The following ZSCAN30 variants were observed in gnomAD, a reference collection of about 807,000 sequenced individuals.
ZSCAN30 encodes zinc finger and SCAN domain-containing protein 30.
Under a neutral mutation model 44.3 loss-of-function variants are expected in ZSCAN30, and 37 were observed. The ratio of observed to expected loss-of-function variants is 0.84; its 90% confidence interval spans 0.64 to 1.10. The LOEUF (loss-of-function observed/expected upper bound fraction) is 1.10. ZSCAN30 is among the 50% of genes least tolerant of loss of function. The pLI is 0.00. For synonymous variants in ZSCAN30, 181 were observed against 204.6 expected (o/e 0.88, Z 0.98); for missense variants, 549 against 582.6 (o/e 0.94, Z 0.59).
chr18:35,284,548 A>G (rs1187212871), intron 1 of ZSCAN30: 1 of 155,044 alleles, frequency 6.4e-6, no homozygotes, highest in Non-Finnish European at 1.5e-5. Flanking sequence ...CACTGCCTCA[A>G]GTATGCGCAC....
In ZSCAN30 at chr18:35,264,471, G is replaced by T; in HGVS notation, c.-103-16C>A. The T allele has an allele frequency of 9.7e-7, 1 of 1,026,044 alleles. No homozygotes were observed. Among genetic ancestry groups the T allele is most frequent in the Non-Finnish European group, 1.4e-6 (1 of 717,912 alleles). 63.6% of individuals were successfully genotyped at this position (1,026,044 alleles called of 1,614,324 possible). On this transcript the variant is annotated splice_polypyrimidine_tract_variant and intron_variant, in intron 1 of 3. Coordinates refer to ENST00000333206, the MANE Select transcript of ZSCAN30 (RefSeq NM_001112734.4). ...CAGGACGCTCCTGAGGGTGGACAAT[G>T]CTCATGTTACACAGGGAAAATAATG...
chr18:35,270,259 T>TCTAC (rs924719271), intron 1 of ZSCAN30: 7 of 151,894 alleles, frequency 4.6e-5, no homozygotes, highest in South Asian at 4.1e-4. Context: ...CTCTGTACTA[T>TCTAC]CTTTGCAATA....
intron 1 of ZSCAN30, among the ~76,000 whole-genome samples, chr18:35,272,218 C>G (rs2044294842): frequency 6.6e-6 from 1 of 152,230 alleles, no homozygotes. Context: ...TTAGTAGAGA[C>G]AAGCTTTCAC....
rs965116498 is a variant in ZSCAN30, at chr18:35,290,085, C to T, written c.-105G>A. 6.6e-6 allele frequency: 1 copy of T among 152,240 alleles called. No homozygotes were observed. Among genetic ancestry groups the T allele is most frequent in the East Asian group, 1.9e-4 (1 of 5,198 alleles). 9.4% of individuals were successfully genotyped at this position (152,240 alleles called of 1,614,324 possible). ...CTTGTATGTAGTAAGAAAACCTACC[C>T]TGCCCCAGAGAGCTTTCCCGAAAGA... On this transcript the variant is annotated splice_region_variant and 5_prime_UTR_variant, in exon 1 of 4. Coordinates refer to ENST00000333206, the MANE Select transcript of ZSCAN30 (RefSeq NM_001112734.4).
At chr18:35,272,155 G>A (rs2044293801) in intron 1 of ZSCAN30, among the ~76,000 whole-genome samples, 1 of 152,142 alleles carries the variant, frequency 6.6e-6, no homozygotes, top group African/African-American at 2.4e-5. Flanking sequence ...AGCGAGCGAG[G>A]GCTGCTAGCC....
At position 35,266,554 on chromosome 18, in the gene ZSCAN30, C is replaced by T. The variant is rs60126050; in HGVS notation, c.-103-2099G>A. On this transcript the variant is annotated intron_variant, in intron 1 of 3. Coordinates refer to ENST00000333206, the MANE Select transcript of ZSCAN30 (RefSeq NM_001112734.4). ...GAGCTATTCATTAAGAAAGTTAGGT[C>T]TGAGATGCCTACGAAGCAGCGTCTC... 3.3e-5 allele frequency: 5 copies of T among 151,754 alleles called. 1 individual carries two copies. The South Asian group carries it at 6.2e-4, about 19-fold the overall frequency. The allele number at this position is 151,754 out of a possible 1,614,324, so 9.4% of individuals were successfully genotyped here.
At chr18:35,265,333 C>T (rs762183659) in intron 1 of ZSCAN30, among the ~76,000 whole-genome samples, 14 of 152,160 alleles carry the variant, frequency 9.2e-5, no homozygotes, top group Admixed American at 2.6e-4. Context: ...AAGCACTTTA[C>T]AAATACTATT....
intron 1 of ZSCAN30, among the ~76,000 whole-genome samples, chr18:35,274,008 T>C (rs1011597328): frequency 3.3e-5 from 5 of 152,182 alleles, no homozygotes; most frequent in South Asian, 2.1e-4. Context: ...GGGAAATAAT[T>C]TGAAGGTACT....
chr18:35,279,154 T>C (rs1938307771), intron 1 of ZSCAN30, among the ~76,000 whole-genome samples: 1 of 152,190 alleles, frequency 6.6e-6, no homozygotes, highest in African/African-American at 2.4e-5. Flanking sequence ...TATTTGTACA[T>C]AGCACCCCAC....
intron 1 of ZSCAN30, among the ~76,000 whole-genome samples, chr18:35,278,077 C>T (rs1243604354): frequency 1.4e-5 from 2 of 140,662 alleles, no homozygotes; most frequent in African/African-American, 5.3e-5. Flanking sequence ...ATGATTTCTT[C>T]TTTGGATCAT....
Position 35,251,515 on chromosome 18 carries a change from T to A in ZSCAN30, c.*1935A>T, listed in dbSNP as rs528307553. On this transcript the variant is annotated 3_prime_UTR_variant, in exon 4 of 4. Coordinates refer to ENST00000333206, the MANE Select transcript of ZSCAN30 (RefSeq NM_001112734.4). ...CCTATTACCCACAACAGCAGTGATA[T>A]GGTTTGGCTCTTGTGTCCCCACCCA... The A allele has an allele frequency of 6.6e-6, 1 of 152,282 alleles. No individual in the cohort carries two copies. The highest frequency in any genetic ancestry group is 2.1e-4 in the South Asian group (1 of 4,826). The allele number at this position is 152,282 out of a possible 1,614,324, so 9.4% of individuals were successfully genotyped here.
rs1307397423 is a variant in ZSCAN30, at chr18:35,251,090, A to G, written c.*2360T>C. On this transcript the variant is annotated 3_prime_UTR_variant, in exon 4 of 4. Coordinates refer to ENST00000333206, the MANE Select transcript of ZSCAN30 (RefSeq NM_001112734.4). Reference sequence around the variant, plus strand: ...TAAAACTCAAGTTTTATTGCAATACATCTTGCATTACATTCTAATAATAAA... The same window carrying G: ...TAAAACTCAAGTTTTATTGCAATACGTCTTGCATTACATTCTAATAATAAA... 4.6e-5 allele frequency: 7 copies of G among 152,248 alleles called. No homozygotes were observed. Among genetic ancestry groups the G allele is most frequent in the African/African-American group, 1.4e-4 (6 of 41,462 alleles). The allele number at this position is 152,248 out of a possible 1,614,324, so 9.4% of individuals were successfully genotyped here.
intron 1 of ZSCAN30, among the ~76,000 whole-genome samples, chr18:35,270,573 C>T (rs2044249675): frequency 6.6e-6 from 1 of 152,102 alleles, no homozygotes; most frequent in Non-Finnish European, 1.5e-5. Flanking sequence ...GGTTCAAGTT[C>T]ACATCCATTA....
chr18:35,260,533 G>A (rs934180038), intron 3 of ZSCAN30: 4 of 152,184 alleles, frequency 2.6e-5, no homozygotes, highest in East Asian at 3.9e-4. Context: ...GTTGTTTCTC[G>A]ACTTTTTAAT....
chr18:35,280,975 A>C (rs1270263157), intron 1 of ZSCAN30: 1 of 152,232 alleles, frequency 6.6e-6, no homozygotes, highest in Non-Finnish European at 1.5e-5. Context: ...CATGATAAGC[A>C]AAAGTCCACA....
intron 3 of ZSCAN30, chr18:35,259,361 T>G (rs1441580342): frequency 2.0e-5 from 3 of 152,150 alleles, no homozygotes; most frequent in African/African-American, 7.2e-5. Context: ...CTGGCTAATT[T>G]TTGTATTTTT....
Position 35,264,135 on chromosome 18 carries a change from C to G in ZSCAN30, c.218G>C (p.Cys73Ser). The part of the protein sequence containing the change: ...REALSRLREL[C>S]CQWLRPEVHS... ...CACCTCCGGCCTCAACCACTGACAGCAAAGCTCTCGCAGCCGGCTCAGAGC... is the reference window on the plus strand; with the variant it reads ...CACCTCCGGCCTCAACCACTGACAGGAAAGCTCTCGCAGCCGGCTCAGAGC... Residue 73 changes from cysteine (C) to serine (S), a missense_variant, in exon 2 of 4, where the codon TGC becomes TCC. Transcript: ENST00000333206. 6.2e-7 allele frequency: 1 copy of G among 1,614,226 alleles called. No homozygotes were observed. The highest frequency in any genetic ancestry group is 1.7e-5 in the Admixed American group (1 of 60,026).
In ZSCAN30 at chr18:35,251,932, ACTTT is replaced by A. The variant is rs2043612175; in HGVS notation, c.*1514_*1517del. On this transcript the variant is annotated 3_prime_UTR_variant, in exon 4 of 4. Coordinates refer to ENST00000333206, the MANE Select transcript of ZSCAN30 (RefSeq NM_001112734.4). ...TAGGATATCTTAGAAGAGGAATCAAACTTTCTTTTAGGTATTAATTGCCCTCAGC... is the reference window on the plus strand; with the variant it reads ...TAGGATATCTTAGAAGAGGAATCAAACTTTTAGGTATTAATTGCCCTCAGC... 6.6e-6 allele frequency: 1 copy of A among 152,156 alleles called. No homozygotes were observed. The highest frequency in any genetic ancestry group is 1.5e-5 in the Non-Finnish European group (1 of 68,036). 9.4% of individuals were successfully genotyped at this position (152,156 alleles called of 1,614,324 possible).
intron 1 of ZSCAN30, chr18:35,281,911 A>C (rs1231960053): frequency 1.3e-5 from 2 of 152,062 alleles, no homozygotes; most frequent in Non-Finnish European, 1.5e-5. Flanking sequence ...AAAAAAAAAA[A>C]AAAACCCTGC....
Sources: allele counts gnomAD v4.1 joint callset (sites outside exome capture counted in the v4.1 genomes callset), GRCh38; gene constraint gnomAD v4.1.1; transcripts MANE v1.5; gene names NCBI Gene and HGNC (gene_info 2026-07-23, HGNC 2026-07-21).